Variants in YWHAG observed in about 807,000 individuals in gnomAD.
YWHAG encodes the protein 14-3-3 protein gamma.
A neutral mutation model predicts 23.3 loss-of-function variants in YWHAG; 1 was observed. That is an observed-to-expected ratio of 0.04 (90% CI 0.02 to 0.20). The LOEUF is 0.20. Ranked by LOEUF, YWHAG falls within the 10% of genes least tolerant of loss-of-function variation. The pLI is 1.00. For synonymous variants in YWHAG, 160 were observed against 144.0 expected, an observed-to-expected ratio of 1.11 and a Z score of -0.80; for missense variants, 151 against 338.6, an observed-to-expected ratio of 0.45 and a Z score of 4.35.
intron 1 of YWHAG, among the ~76,000 whole-genome samples, chr7:76,351,391 C>CATTT (rs35652035): frequency 0.64 from 97,370 of 151,600 alleles, 32,899 homozygotes; most frequent in East Asian, 0.94. Flanking sequence ...TGAGTAGGGT[C>CATTT]TTTTCAACCT....
chr7:76,353,583 A>C (rs1803905601), intron 1 of YWHAG, among the ~76,000 whole-genome samples: 1 of 152,198 alleles, frequency 6.6e-6, no homozygotes, highest in African/African-American at 2.4e-5. Flanking sequence ...ATTTAGCAAA[A>C]TATCAAAATT....
chr7:76,354,761 T>C (rs1368939830), intron 1 of YWHAG, among the ~76,000 whole-genome samples: 5 of 152,210 alleles, frequency 3.3e-5, no homozygotes, highest in African/African-American at 9.6e-5. Context: ...TCACTGATAA[T>C]AAAGCCAGCC....
At chr7:76,339,231 A>T (rs1210909775) in intron 1 of YWHAG, among the ~76,000 whole-genome samples, 7 of 132,440 alleles carry the variant, frequency 5.3e-5, no homozygotes, top group Admixed American at 5.3e-4. Context: ...GCACTTTGGG[A>T]GGCCAAGGTG....
chr7:76,352,888 T>G (rs1183633979), intron 1 of YWHAG, among the ~76,000 whole-genome samples: 1 of 152,134 alleles, frequency 6.6e-6, no homozygotes, highest in Non-Finnish European at 1.5e-5. Flanking sequence ...TGACCTCAAG[T>G]GATCAACCCA....
Position 76,329,937 on chromosome 7 carries a change from C to T in YWHAG, c.384G>A (p.Gly128=), listed in dbSNP as rs778981755. 2 of 1,614,090 alleles carry T rather than the reference C, an allele frequency of 1.2e-6. No individual in the cohort carries two copies. The highest frequency in any genetic ancestry group is 2.2e-5 in the East Asian group (1 of 44,882). Residue 128 remains glycine (G), a synonymous_variant, in exon 2 of 2, where the codon GGG becomes GGA. Transcript: ENST00000307630. This position sits in a 1 kb window ranked among gnomAD's most constrained non-coding sequence, Gnocchi z 6.1. ...ESKVFYLKMK[G]DYYRYLAEVA... is the part of the protein sequence containing the mutation. ...CTTCAGCCAGGTAGCGGTAGTAGTC[C>T]CCTTTCATCTTCAGGTAGAACACTT...
Position 76,328,376 on chromosome 7 carries a change from G to A in YWHAG, c.*1201C>T, listed in dbSNP as rs1563660944. ...TTTTTTATCTTCCTACAATTACTTG[G>A]GGAAGGAGTGTCTTCGGGGAGGAAA... On this transcript the variant is annotated 3_prime_UTR_variant, in exon 2 of 2. Coordinates refer to ENST00000307630, the MANE Select transcript of YWHAG (RefSeq NM_012479.4). The A allele has an allele frequency of 6.6e-6, 1 of 152,094 alleles. No individual in the cohort carries two copies. The highest frequency in any genetic ancestry group is 1.5e-5 in the Non-Finnish European group (1 of 68,022). The allele number at this position is 152,094 out of a possible 1,614,324, so 9.4% of individuals were successfully genotyped here. A position where few individuals can be genotyped will look rare whatever the true frequency, so the allele number is the denominator to read the frequency against.
At chr7:76,338,283 G>A (rs1350587334) in intron 1 of YWHAG, among the ~76,000 whole-genome samples, 1 of 152,130 alleles carries the variant, frequency 6.6e-6, no homozygotes, top group Admixed American at 6.6e-5. Context: ...GATCACCCTG[G>A]CTAAAAATTG....
intron 1 of YWHAG, among the ~76,000 whole-genome samples, 179 bp downstream of exon 1, chr7:76,358,543 G>A (rs760894583): frequency 6.6e-6 from 1 of 152,212 alleles, no homozygotes; most frequent in Non-Finnish European, 1.5e-5. Flanking sequence ...TCCGAAAAGA[G>A]GCCGCGTCAC....
chr7:76,352,778 T>C (rs888859881), intron 1 of YWHAG, among the ~76,000 whole-genome samples: 6 of 152,214 alleles, frequency 3.9e-5, no homozygotes, highest in East Asian at 1.9e-4. Context: ...GCCTCTCTAG[T>C]AGCTGGGATT....
intron 1 of YWHAG, among the ~76,000 whole-genome samples, chr7:76,357,542 T>C (rs1803978607): frequency 1.3e-5 from 2 of 152,120 alleles, no homozygotes; most frequent in African/African-American, 4.8e-5. Flanking sequence ...ATAAATGTGG[T>C]GTTACTGACA....
intron 1 of YWHAG, among the ~76,000 whole-genome samples, chr7:76,349,885 T>C (rs1803849042): frequency 6.6e-6 from 1 of 152,108 alleles, no homozygotes; most frequent in Non-Finnish European, 1.5e-5. Flanking sequence ...TCCCAGCTAC[T>C]GGGGAGGCTG....
intron 1 of YWHAG, among the ~76,000 whole-genome samples, chr7:76,339,096 A>G (rs1162910038): frequency 6.6e-6 from 1 of 151,828 alleles, no homozygotes; most frequent in Non-Finnish European, 1.5e-5. Context: ...GTAATTTTAT[A>G]TAAACAGTTT....
At chr7:76,352,160 C>CT in intron 1 of YWHAG, among the ~76,000 whole-genome samples, 1 of 152,210 alleles carries the variant, frequency 6.6e-6, no homozygotes, top group East Asian at 1.9e-4. Flanking sequence ...TCTTAAAGAA[C>CT]TAGCACCATA....
At chr7:76,340,946 G>A (rs1803683892) in intron 1 of YWHAG, among the ~76,000 whole-genome samples, 1 of 152,100 alleles carries the variant, frequency 6.6e-6, no homozygotes, top group Non-Finnish European at 1.5e-5. Flanking sequence ...GTATGATCAG[G>A]GCCCACTGCA....
intron 1 of YWHAG, among the ~76,000 whole-genome samples, chr7:76,332,786 A>AACCTCCCCCC: frequency 6.7e-6 from 1 of 149,700 alleles, no homozygotes; most frequent in African/African-American, 2.5e-5. Context: ...GGCTCACTGC[A>AACCTCCCCCC]ACCTCCCCCC....
intron 1 of YWHAG, among the ~76,000 whole-genome samples, chr7:76,331,771 G>A (rs1327550813): frequency 3.3e-5 from 5 of 151,876 alleles, no homozygotes; most frequent in Admixed American, 6.6e-5. Context: ...TGAGACACCA[G>A]GTGGGGAGGA....
At chr7:76,351,007 C>T (rs1217319718) in intron 1 of YWHAG, among the ~76,000 whole-genome samples, 2 of 152,146 alleles carry the variant, frequency 1.3e-5, no homozygotes, top group East Asian at 1.9e-4. Flanking sequence ...TATTCAGCTA[C>T]TGAAAATAAT....
At chr7:76,347,601 CAAA>C (rs60730480) in intron 1 of YWHAG, among the ~76,000 whole-genome samples, 6 of 125,654 alleles carry the variant, frequency 4.8e-5, no homozygotes, top group Admixed American at 4.2e-4. Context: ...AACAAACAAA[CAAA>C]AAAAACACTC....
intron 1 of YWHAG, among the ~76,000 whole-genome samples, chr7:76,355,581 G>A (rs924542076): frequency 1.3e-5 from 2 of 152,284 alleles, no homozygotes; most frequent in East Asian, 3.9e-4. Context: ...AGAGTCTACA[G>A]AGGTACCATT....
Sources: gnomAD v4.1 joint callset for allele counts (sites outside exome capture counted in the v4.1 genomes callset) on GRCh38, gnomAD v4.1.1 for gene constraint, Gnocchi (gnomAD v3.1) non-coding constraint, MANE v1.5 for transcripts, NCBI Gene and HGNC (gene_info 2026-07-23, HGNC 2026-07-21) for gene names.